GALNT13: variants seen among roughly 807,000 people sequenced by gnomAD.
GALNT13 encodes the protein polypeptide N-acetylgalactosaminyltransferase 13, also known as UDP-GalNAc:polypeptide N-acetylgalactosaminyltransferase 13.
In GALNT13, 28 loss-of-function variants were observed where a neutral mutation model predicts 64.2. The ratio of observed to expected loss-of-function variants is 0.44; its 90% CI spans 0.32 to 0.60. The LOEUF is 0.60. GALNT13 is among the 20% of genes least tolerant of loss of function. The probability of loss-of-function intolerance (pLI) is 0.05; values close to 1 mark genes in which losing one functional copy is unlikely to be tolerated. For missense variants in GALNT13, 577 were observed against 669.8 expected, an observed-to-expected ratio of 0.86 and a Z score of 1.53; for synonymous variants, 214 against 224.6, an observed-to-expected ratio of 0.95 and a Z score of 0.42.
chr2:153,758,688 G>A, the GALNT13 span, among the ~76,000 whole-genome samples: 1 of 152,188 alleles, frequency 6.6e-6, no homozygotes, highest in Middle Eastern at 3.4e-3. Context: ...CACCTCCCAG[G>A]TTCAAGCAAT....
chr2:154,358,459 C>A (rs1054168172), intron 9 of GALNT13, among the ~76,000 whole-genome samples: 7 of 152,130 alleles, frequency 4.6e-5, no homozygotes, highest in South Asian at 4.1e-4. Context: ...AGAATATATT[C>A]ACTTTCATAT....
chr2:154,420,094 C>T (rs1028379554), intron 11 of GALNT13, among the ~76,000 whole-genome samples: 4 of 151,932 alleles, frequency 2.6e-5, no homozygotes, highest in African/African-American at 7.3e-5. Flanking sequence ...TAAAGCAGAA[C>T]GTTTAATACT....
At chr2:153,980,523 T>C (rs1694391435) in intron 3 of GALNT13, among the ~76,000 whole-genome samples, 1 of 152,112 alleles carries the variant, frequency 6.6e-6, no homozygotes, top group Non-Finnish European at 1.5e-5. Context: ...TGTTTGTAAA[T>C]TGTTTATGAG....
the GALNT13 span, among the ~76,000 whole-genome samples, chr2:153,644,674 T>A: frequency 6.6e-6 from 1 of 152,042 alleles, no homozygotes; most frequent in Non-Finnish European, 1.5e-5. Flanking sequence ...CAACCCACCC[T>A]ACTTCTTGAT....
At chr2:153,191,951 G>C in the GALNT13 span, among the ~76,000 whole-genome samples, 13 of 151,508 alleles carry the variant, frequency 8.6e-5, no homozygotes, top group Admixed American at 8.5e-4. Context: ...TTTTTTACTT[G>C]GTTAATTTTA....
chr2:153,126,525 G>T, the GALNT13 span, among the ~76,000 whole-genome samples: 1 of 151,966 alleles, frequency 6.6e-6, no homozygotes, highest in Non-Finnish European at 1.5e-5. Context: ...GTGATAGAGT[G>T]TGGCCCAGCC....
the GALNT13 span, among the ~76,000 whole-genome samples, chr2:153,718,049 G>T: frequency 3.3e-5 from 5 of 151,652 alleles, no homozygotes; most frequent in South Asian, 6.2e-4. Flanking sequence ...TGAGAATATG[G>T]CTCACCTCTT....
At chr2:154,110,304 T>G (rs867535811) in intron 3 of GALNT13, among the ~76,000 whole-genome samples, 895 of 37,432 alleles carry the variant, frequency 0.024, 73 homozygotes, top group East Asian at 0.067. Flanking sequence ...TATATATATA[T>G]ATATATATAT....
At chr2:154,042,517 A>C (rs1262668290) in intron 3 of GALNT13, among the ~76,000 whole-genome samples, 2 of 138,994 alleles carry the variant, frequency 1.4e-5, no homozygotes, top group African/African-American at 2.5e-5. Flanking sequence ...CTGATCACCC[A>C]GTCTAAAGCA....
At chr2:154,444,461 G>A (rs1178171414) in intron 12 of GALNT13, among the ~76,000 whole-genome samples, 2 of 152,062 alleles carry the variant, frequency 1.3e-5, no homozygotes, top group Non-Finnish European at 2.9e-5. Flanking sequence ...AATGTTTTTA[G>A]CAGCAACATG....
rs954579895 is a variant in GALNT13, at chr2:154,287,082, C to T, written c.976-14327C>T. 5 of 856,314 alleles carry T rather than the reference C, an allele frequency of 5.8e-6. No individual in the cohort carries two copies. In the African/African-American group the frequency reaches 6.6e-5, roughly 11 times the overall value. The allele number at this position is 856,314 out of a possible 1,614,324, so 53.0% of individuals were successfully genotyped here. Reference sequence around the variant, plus strand: ...GTCATCTTTGGGCTCATCCACCCACCTTTGGGCAAGCAGCCACCTTTGGAT... The same window carrying T: ...GTCATCTTTGGGCTCATCCACCCACTTTTGGGCAAGCAGCCACCTTTGGAT... On this transcript the variant is annotated intron_variant, in intron 8 of 12. Coordinates refer to ENST00000392825, the MANE Select transcript of GALNT13 (RefSeq NM_052917.4).
intron 3 of GALNT13, among the ~76,000 whole-genome samples, chr2:154,026,911 C>T (rs1190991364): frequency 1.3e-5 from 2 of 151,960 alleles, no homozygotes; most frequent in East Asian, 3.9e-4. Context: ...AATCGAGCAT[C>T]CGGAGAAGGA....
chr2:153,304,525 A>G, the GALNT13 span, among the ~76,000 whole-genome samples: 1 of 152,198 alleles, frequency 6.6e-6, no homozygotes, highest in Non-Finnish European at 1.5e-5. Context: ...GGACTCCCTC[A>G]CAGCAGCCTC....
the GALNT13 span, among the ~76,000 whole-genome samples, chr2:153,552,701 G>C: frequency 1.3e-5 from 2 of 149,320 alleles, no homozygotes; most frequent in Non-Finnish European, 3.0e-5. Flanking sequence ...TTGTTTTCTA[G>C]AACAGTGGTC....
chr2:153,753,002 T>C, the GALNT13 span, among the ~76,000 whole-genome samples: 13 of 152,188 alleles, frequency 8.5e-5, no homozygotes, highest in Non-Finnish European at 1.5e-5. Context: ...ATTAATTCTT[T>C]CTACTGCTTT....
chr2:154,361,226 G>A (rs1260782437), intron 9 of GALNT13, among the ~76,000 whole-genome samples: 1 of 152,068 alleles, frequency 6.6e-6, no homozygotes, highest in Non-Finnish European at 1.5e-5. Flanking sequence ...GGGGCATGTT[G>A]TAGATTAATT....
At chr2:153,276,357 A>T in the GALNT13 span, among the ~76,000 whole-genome samples, 5 of 152,058 alleles carry the variant, frequency 3.3e-5, no homozygotes, top group Admixed American at 6.5e-5. Context: ...CCTCTTGAAA[A>T]ACACATAAAT....
chr2:153,393,600 G>C, the GALNT13 span, among the ~76,000 whole-genome samples: 38 of 152,088 alleles, frequency 2.5e-4, no homozygotes, highest in African/African-American at 9.2e-4. Flanking sequence ...TGCTTGGCTA[G>C]GTCGTGGTAC....
intron 4 of GALNT13, among the ~76,000 whole-genome samples, chr2:154,166,065 A>G (rs1192627427): frequency 6.6e-6 from 1 of 152,252 alleles, no homozygotes; most frequent in South Asian, 2.1e-4. Flanking sequence ...ATAACTTTTT[A>G]TTTGTTCCAA....
Sources: allele counts gnomAD v4.1 joint callset (sites outside exome capture counted in the v4.1 genomes callset), GRCh38; gene constraint gnomAD v4.1.1; transcripts MANE v1.5; gene names NCBI Gene and HGNC (gene_info 2026-07-23, HGNC 2026-07-21).